The following ZRANB3 variants were observed in gnomAD, a reference collection of about 807,000 sequenced individuals.
The protein encoded by ZRANB3 is zinc finger RANBP2-type containing 3.
In ZRANB3, 125 loss-of-function variants were observed where a neutral mutation model predicts 133.8. That is an observed-to-expected ratio of 0.93 (90% CI 0.81 to 1.08). The LOEUF is 1.08. ZRANB3 is among the 50% of genes least tolerant of loss of function. The pLI is 0.00. For missense variants in ZRANB3, 1,229 were observed against 1,275.5 expected (o/e 0.96, Z 0.56); for synonymous variants, 387 against 432.7 (o/e 0.89, Z 1.31).
intron 2 of ZRANB3, among the ~76,000 whole-genome samples, chr2:135,494,897 A>T (rs1692593982): frequency 6.6e-6 from 1 of 152,236 alleles, no homozygotes; most frequent in South Asian, 2.1e-4. Flanking sequence ...GCTATAAAAG[A>T]CAGCATTGGG....
intron 3 of ZRANB3, among the ~76,000 whole-genome samples, chr2:135,376,046 T>C (rs1001787116): frequency 3.3e-5 from 5 of 152,168 alleles, no homozygotes; most frequent in African/African-American, 1.2e-4. Context: ...ATCTGACCAG[T>C]GTCCCTATAA....
At chr2:135,505,063 G>A (rs1693113414) in intron 1 of ZRANB3, among the ~76,000 whole-genome samples, 1 of 152,020 alleles carries the variant, frequency 6.6e-6, no homozygotes, top group African/African-American at 2.4e-5. Flanking sequence ...TGAATCCACA[G>A]TATAGCACTT....
intron 2 of ZRANB3, among the ~76,000 whole-genome samples, chr2:135,403,411 C>T (rs529165290): frequency 2.0e-5 from 3 of 152,316 alleles, no homozygotes; most frequent in East Asian, 3.9e-4. Flanking sequence ...GGGGGAGAGG[C>T]GCCCGCCATT....
At position 135,198,776 on chromosome 2, in the gene ZRANB3, T is replaced by TC. The variant is rs1436077066; in HGVS notation, c.*1565dup. 6.6e-6 allele frequency: 1 copy of TC among 152,204 alleles called. No homozygotes were observed. Among genetic ancestry groups the TC allele is most frequent in the African/African-American group, 2.4e-5 (1 of 41,446 alleles). The allele number at this position is 152,204 out of a possible 1,614,324, so 9.4% of individuals were successfully genotyped here. A position where few individuals can be genotyped will look rare whatever the true frequency, so the allele number is the denominator to read the frequency against. ...AAAGGAGGCCAAAGAAAGCCCAACT[T>TC]CATTTATAAAATAACCAACATGACT... On this transcript the variant is annotated 3_prime_UTR_variant, in exon 21 of 21. Transcript: ENST00000264159.
chr2:135,270,317 C>T (rs1680454623), intron 10 of ZRANB3, among the ~76,000 whole-genome samples: 1 of 152,160 alleles, frequency 6.6e-6, no homozygotes, highest in South Asian at 2.1e-4. Context: ...ATCAATACCA[C>T]TCTAAGCAGC....
chr2:135,501,665 T>C (rs1692953676), intron 2 of ZRANB3, among the ~76,000 whole-genome samples: 1 of 152,152 alleles, frequency 6.6e-6, no homozygotes, highest in Admixed American at 6.5e-5. Context: ...TTAGAGACTT[T>C]CCTTGATACA....
chr2:135,400,810 G>C (rs1245522684), intron 2 of ZRANB3, among the ~76,000 whole-genome samples: 1 of 152,164 alleles, frequency 6.6e-6, no homozygotes, highest in Non-Finnish European at 1.5e-5. Flanking sequence ...ACAAATAAAT[G>C]AATGAGCAGG....
rs766750805 is a variant in ZRANB3 at position 135,246,505 on chromosome 2, A to C, written c.1540-15578T>G. Among the ~76,000 whole-genome samples, 133 of 152,264 alleles carry C rather than the reference A, an allele frequency of 8.7e-4. 1 individual carries two copies. The highest frequency in any genetic ancestry group is 3.4e-3 in the Middle Eastern group (1 of 294). On this transcript the variant is annotated intron_variant, in intron 12 of 20. Coordinates refer to ENST00000264159, the MANE Select transcript of ZRANB3 (RefSeq NM_032143.4). ...AATAATTGCAAACAGAATGCTTCCCAAAAAAATGCATATTTTCCAAAAATG... is the reference window on the plus strand; with the variant it reads ...AATAATTGCAAACAGAATGCTTCCCCAAAAAATGCATATTTTCCAAAAATG...
intron 17 of ZRANB3, among the ~76,000 whole-genome samples, chr2:135,213,834 A>T (rs1351497856): frequency 6.6e-6 from 1 of 152,164 alleles, no homozygotes; most frequent in Non-Finnish European, 1.5e-5. Flanking sequence ...AGCTCACTTT[A>T]AGATAGGGAG....
intron 8 of ZRANB3, among the ~76,000 whole-genome samples, chr2:135,277,044 T>C (rs1013229352): frequency 1.3e-5 from 2 of 152,174 alleles, no homozygotes; most frequent in Non-Finnish European, 2.9e-5. Flanking sequence ...TAGAGGGTAT[T>C]TGGATGGAGG....
At chr2:135,331,775 G>C (rs930326649) in intron 6 of ZRANB3, among the ~76,000 whole-genome samples, 2 of 152,116 alleles carry the variant, frequency 1.3e-5, no homozygotes, top group African/African-American at 2.4e-5. Flanking sequence ...AGCTCTTCTT[G>C]TTGAATGGAT....
At chr2:135,252,719 C>T (rs1679462125) in intron 12 of ZRANB3, among the ~76,000 whole-genome samples, 3 of 152,318 alleles carry the variant, frequency 2.0e-5, no homozygotes, top group South Asian at 2.1e-4. Context: ...TGGCTCTTCA[C>T]TGCTCATCCA....
At chr2:135,424,075 C>T (rs149498899) in intron 2 of ZRANB3, among the ~76,000 whole-genome samples, 63 of 152,110 alleles carry the variant, frequency 4.1e-4, no homozygotes, top group Non-Finnish European at 6.0e-4. Context: ...AAAAGCAAGT[C>T]GGAGAAAACA....
At chr2:135,508,238 C>T (rs1356931628) in intron 1 of ZRANB3, among the ~76,000 whole-genome samples, 1 of 152,076 alleles carries the variant, frequency 6.6e-6, no homozygotes, top group African/African-American at 2.4e-5. Flanking sequence ...CCTGGGTTCA[C>T]GCCATTCTCC....
intron 3 of ZRANB3, chr2:135,355,360 C>T (rs1022417642): frequency 4.1e-4 from 152 of 372,558 alleles, no homozygotes; most frequent in South Asian, 6.8e-4. Flanking sequence ...AATCACAGAT[C>T]TTTTTTTTTT....
At chr2:135,510,760 C>A in intron 1 of ZRANB3, 1 of 805,134 alleles carries the variant, frequency 1.2e-6, no homozygotes, top group East Asian at 2.4e-5. Flanking sequence ...GGGCCTGTTG[C>A]GAAGGACCTT....
At chr2:135,525,959 T>C (rs1694141696) in intron 1 of ZRANB3, among the ~76,000 whole-genome samples, 1 of 151,842 alleles carries the variant, frequency 6.6e-6, no homozygotes, top group South Asian at 2.1e-4. Flanking sequence ...GTGTACTACA[T>C]GATTCCACTT....
At position 135,406,148 on chromosome 2, in the gene ZRANB3, C is replaced by T. The variant is rs577371299; in HGVS notation, c.162-15328G>A. On this transcript the variant is annotated intron_variant, in intron 2 of 20. Coordinates refer to ENST00000264159, the MANE Select transcript of ZRANB3 (RefSeq NM_032143.4). ...AAAATGACGAAGGGGATATCACCACCGATCCCACAGAAACACAAACTACCA... is the reference window on the plus strand; with the variant it reads ...AAAATGACGAAGGGGATATCACCACTGATCCCACAGAAACACAAACTACCA... 3.3e-5 allele frequency among the ~76,000 whole-genome samples: 5 copies of T among 152,148 alleles called. No homozygotes were observed. The South Asian group carries it at 6.2e-4, about 19-fold the overall frequency.
chr2:135,456,229 C>T (rs1690513514), intron 2 of ZRANB3, among the ~76,000 whole-genome samples: 1 of 152,132 alleles, frequency 6.6e-6, no homozygotes, highest in Non-Finnish European at 1.5e-5. Flanking sequence ...GAAGGTGTTG[C>T]TGATTTGCAA....
Sources: allele counts gnomAD v4.1 joint callset (sites outside exome capture counted in the v4.1 genomes callset), GRCh38; gene constraint gnomAD v4.1.1; transcripts MANE v1.5; gene names NCBI Gene and HGNC (gene_info 2026-07-23, HGNC 2026-07-21).